The following SH3GL2 variants were observed in gnomAD, a reference collection of about 807,000 sequenced individuals.
SH3GL2 encodes the protein endophilin-A1.
In SH3GL2, 24 loss-of-function variants were observed where a neutral mutation model predicts 46.0. The ratio of observed to expected loss-of-function variants is 0.52; its 90% CI spans 0.38 to 0.73. The LOEUF is 0.73. Among genes scored for constraint, SH3GL2 ranks in the 30% least tolerant of loss-of-function variants. The probability of loss-of-function intolerance (pLI) is 0.00; values close to 1 mark genes in which losing one functional copy is unlikely to be tolerated. For missense variants in SH3GL2, 413 were observed against 424.2 expected (o/e 0.97, Z 0.23); for synonymous variants, 196 against 147.1 (o/e 1.33, Z -2.40).
At chr9:17,581,180 T>C (rs1012471188) in intron 1 of SH3GL2, among the ~76,000 whole-genome samples, 1 of 152,242 alleles carries the variant, frequency 6.6e-6, no homozygotes, top group African/African-American at 2.4e-5. Flanking sequence ...CTAGACCTTT[T>C]AGTTTTTCCA....
At chr9:17,762,919 G>A (rs989740778) in intron 3 of SH3GL2, among the ~76,000 whole-genome samples, 3 of 152,118 alleles carry the variant, frequency 2.0e-5, no homozygotes, top group Non-Finnish European at 4.4e-5. Context: ...TTATATAGGG[G>A]CAAGAAGTTT....
At chr9:17,676,467 A>G (rs1488078908) in intron 1 of SH3GL2, among the ~76,000 whole-genome samples, 1 of 152,070 alleles carries the variant, frequency 6.6e-6, no homozygotes, top group Non-Finnish European at 1.5e-5. Flanking sequence ...TTAGCTGGGC[A>G]TGGTAGTGGG....
intron 1 of SH3GL2, among the ~76,000 whole-genome samples, chr9:17,685,219 A>C (rs780003782): frequency 1.3e-5 from 2 of 152,034 alleles, no homozygotes; most frequent in African/African-American, 2.4e-5. Flanking sequence ...TGATCTTGGG[A>C]ACTGACAAGT....
chr9:17,600,484 G>C (rs1377459260), intron 1 of SH3GL2, among the ~76,000 whole-genome samples: 1 of 152,188 alleles, frequency 6.6e-6, no homozygotes, highest in Non-Finnish European at 1.5e-5. Context: ...TAGATCTTCA[G>C]AGAACAGTTT....
chr9:17,793,513 G>A lies in SH3GL2; in HGVS notation c.859+16G>A. On this transcript the variant is annotated intron_variant, in intron 8 of 8. Coordinates refer to ENST00000380607, the MANE Select transcript of SH3GL2 (RefSeq NM_003026.5). ...AAACCTTCAGGTAAGAGCTGAAACT[G>A]CAGATCCTATTGCATAGCCCTTGGC... 1 of 1,612,274 alleles carries A rather than the reference G, an allele frequency of 6.2e-7. No homozygotes were observed. Among genetic ancestry groups the A allele is most frequent in the East Asian group, 2.2e-5 (1 of 44,792 alleles).
intron 1 of SH3GL2, among the ~76,000 whole-genome samples, chr9:17,721,879 T>G (rs963435947): frequency 2.4e-4 from 37 of 152,206 alleles, no homozygotes; most frequent in African/African-American, 8.7e-4. Flanking sequence ...TGGAGAACCC[T>G]AATATAACCA....
At chr9:17,677,894 T>G (rs1480022548) in intron 1 of SH3GL2, among the ~76,000 whole-genome samples, 2 of 152,102 alleles carry the variant, frequency 1.3e-5, no homozygotes, top group Non-Finnish European at 2.9e-5. Context: ...GTTTTTGTCC[T>G]TGCGATAGTT....
intron 3 of SH3GL2, among the ~76,000 whole-genome samples, chr9:17,784,123 G>A (rs1288760577): frequency 6.6e-6 from 1 of 151,998 alleles, no homozygotes; most frequent in Admixed American, 6.6e-5. Flanking sequence ...TGAATTAGTA[G>A]GCTTTTTTTA....
At chr9:17,742,615 C>A (rs1409761862) in intron 1 of SH3GL2, among the ~76,000 whole-genome samples, 1 of 152,110 alleles carries the variant, frequency 6.6e-6, no homozygotes, top group Non-Finnish European at 1.5e-5. Context: ...ATTCACAAAA[C>A]TACATTGCAG....
intron 1 of SH3GL2, among the ~76,000 whole-genome samples, chr9:17,585,337 G>T (rs1416786165): frequency 6.6e-6 from 1 of 152,162 alleles, no homozygotes; most frequent in Non-Finnish European, 1.5e-5. Context: ...TCAATTTAAG[G>T]CCAGATAGGG....
intron 2 of SH3GL2, among the ~76,000 whole-genome samples, chr9:17,755,991 A>G (rs933419609): frequency 6.6e-6 from 1 of 152,124 alleles, no homozygotes; most frequent in Admixed American, 6.5e-5. Context: ...GCTAGCACCT[A>G]GCACAGGAAT....
chr9:17,729,940 C>T lies in SH3GL2; in HGVS notation c.46-17126C>T, dbSNP rs566893173. 8.6e-5 allele frequency among the ~76,000 whole-genome samples: 13 copies of T among 151,764 alleles called. No individual in the cohort carries two copies. The South Asian group carries it at 1.7e-3, about 19-fold the overall frequency. On this transcript the variant is annotated intron_variant, in intron 1 of 8. Transcript: ENST00000380607. Reference sequence around the variant, plus strand: ...TTTGCTTAGGATTGTCTTGGCTATACGGGCTCTTTTTTTGGTTCCATATGA... The same window carrying T: ...TTTGCTTAGGATTGTCTTGGCTATATGGGCTCTTTTTTTGGTTCCATATGA...
intron 1 of SH3GL2, among the ~76,000 whole-genome samples, chr9:17,655,396 G>A (rs1188651864): frequency 1.3e-5 from 2 of 152,078 alleles, no homozygotes; most frequent in Admixed American, 1.3e-4. Context: ...CCTGCCCCCT[G>A]CTCATATAGC....
At chr9:17,701,620 A>G (rs964195141) in intron 1 of SH3GL2, among the ~76,000 whole-genome samples, 11 of 152,218 alleles carry the variant, frequency 7.2e-5, no homozygotes, top group Admixed American at 3.3e-4. Context: ...ATTTTAACAT[A>G]CAGAAATATT....
At chr9:17,781,970 T>C (rs1030190262) in intron 3 of SH3GL2, among the ~76,000 whole-genome samples, 8 of 152,132 alleles carry the variant, frequency 5.3e-5, no homozygotes, top group Admixed American at 5.2e-4. Context: ...TCCACCTGGA[T>C]AATAAGCTTT....
chr9:17,787,902 C>G (rs1200687262), intron 5 of SH3GL2, among the ~76,000 whole-genome samples: 1 of 152,128 alleles, frequency 6.6e-6, no homozygotes, highest in East Asian at 1.9e-4. Context: ...AATAGTTATT[C>G]TATCACTGCA....
chr9:17,635,180 C>CT, intron 1 of SH3GL2, among the ~76,000 whole-genome samples: 1 of 152,274 alleles, frequency 6.6e-6, no homozygotes, highest in Admixed American at 6.5e-5. Flanking sequence ...GTCATTCCCT[C>CT]TGTGTGTCCA....
intron 1 of SH3GL2, among the ~76,000 whole-genome samples, chr9:17,741,063 A>C (rs564475369): frequency 5.6e-4 from 85 of 152,276 alleles, no homozygotes; most frequent in African/African-American, 1.9e-3. Flanking sequence ...CATATAAATA[A>C]ATTATTTTAT....
chr9:17,694,351 A>C (rs374428970), intron 1 of SH3GL2, among the ~76,000 whole-genome samples: 90 of 152,200 alleles, frequency 5.9e-4, no homozygotes, highest in African/African-American at 2.0e-3. Context: ...ATATACTAAG[A>C]GTCTGGTGTT....
Sources: gnomAD v4.1 joint callset for allele counts (sites outside exome capture counted in the v4.1 genomes callset) on GRCh38, gnomAD v4.1.1 for gene constraint, MANE v1.5 for transcripts, NCBI Gene and HGNC (gene_info 2026-07-23, HGNC 2026-07-21) for gene names.